VAPB: variants seen among roughly 807,000 people sequenced by gnomAD.
VAPB encodes VAMP associated protein B and C.
In VAPB, 7 loss-of-function variants were observed where a neutral mutation model predicts 25.6. That is an observed-to-expected ratio of 0.27 (90% CI 0.16 to 0.51). The LOEUF is 0.51. Among genes scored for constraint, VAPB ranks in the 20% least tolerant of loss-of-function variants. The pLI, the probability that VAPB is intolerant of heterozygous loss-of-function variation, is 0.97. For missense variants in VAPB, 266 were observed against 301.3 expected (o/e 0.88, Z 0.87); for synonymous variants, 112 against 109.2 (o/e 1.03, Z -0.16).
chr20:58,419,833 G>A (rs533441936), intron 2 of VAPB, among the ~76,000 whole-genome samples: 1 of 152,222 alleles, frequency 6.6e-6, no homozygotes, highest in Non-Finnish European at 1.5e-5. Context: ...GAGCAAGTTT[G>A]TCAGTAGATG....
intron 1 of VAPB, among the ~76,000 whole-genome samples, chr20:58,392,130 C>T (rs1987816984): frequency 1.3e-5 from 2 of 152,324 alleles, no homozygotes; most frequent in South Asian, 4.1e-4. Flanking sequence ...CCTTAGGCCA[C>T]TTCACTCCTC....
At chr20:58,410,896 A>G (rs1270151339) in intron 1 of VAPB, among the ~76,000 whole-genome samples, 1 of 152,176 alleles carries the variant, frequency 6.6e-6, no homozygotes, top group African/African-American at 2.4e-5. Flanking sequence ...AGCACTGAGC[A>G]CTATTTCAGT....
intron 1 of VAPB, among the ~76,000 whole-genome samples, chr20:58,414,397 C>G (rs1158404291): frequency 1.4e-5 from 2 of 146,280 alleles, no homozygotes; most frequent in Admixed American, 6.7e-5. Context: ...ACGGGGTGGC[C>G]GCCGGGCGGA....
At chr20:58,409,413 G>C (rs1358915596) in intron 1 of VAPB, among the ~76,000 whole-genome samples, 1 of 152,132 alleles carries the variant, frequency 6.6e-6, no homozygotes, top group African/African-American at 2.4e-5. Flanking sequence ...CTCCATTTTA[G>C]TGTATTTTTC....
chr20:58,424,273 C>T (rs1988736918), intron 2 of VAPB, among the ~76,000 whole-genome samples: 1 of 151,874 alleles, frequency 6.6e-6, no homozygotes, highest in Non-Finnish European at 1.5e-5. Flanking sequence ...TACTGTTAAC[C>T]CTGTCCTGGT....
intron 2 of VAPB, chr20:58,431,577 C>CT (rs1380170572): frequency 8.9e-4 from 131 of 147,148 alleles, no homozygotes; most frequent in African/African-American, 3.0e-3. Context: ...TTTGTTTTTT[C>CT]TTTTTTTTTA....
chr20:58,446,353 A>G lies in VAPB; in HGVS notation c.*2118A>G. 1 of 454,080 alleles carries G rather than the reference A, an allele frequency of 2.2e-6. No individual in the cohort carries two copies. The highest frequency in any genetic ancestry group is 4.4e-6 in the Non-Finnish European group (1 of 226,770). 28.1% of individuals were successfully genotyped at this position (454,080 alleles called of 1,614,324 possible). The stretch of plus-strand genomic sequence containing the variant: ...TAAGTCCTGTAGCTTCCAGGCCCTC[A>G]TGTCTTTGATAGGAGAGTGCTTAGG... On this transcript the variant is annotated 3_prime_UTR_variant, in exon 6 of 6. Transcript: ENST00000475243.
intron 1 of VAPB, among the ~76,000 whole-genome samples, chr20:58,389,976 C>T (rs1354476038): frequency 6.6e-6 from 1 of 152,238 alleles, no homozygotes; most frequent in Admixed American, 6.5e-5. Context: ...TATTCCGTCA[C>T]TGTTTCGTGG....
At chr20:58,443,596 A>G (rs915042198) in intron 5 of VAPB, among the ~76,000 whole-genome samples, 1 of 151,884 alleles carries the variant, frequency 6.6e-6, no homozygotes, top group African/African-American at 2.4e-5. Flanking sequence ...TTGACTTTGT[A>G]GATTCTTTTA....
chr20:58,396,877 TG>T (rs1987969784), intron 1 of VAPB, among the ~76,000 whole-genome samples: 1 of 152,062 alleles, frequency 6.6e-6, no homozygotes, highest in African/African-American at 2.4e-5. Flanking sequence ...ACTTAGTCAG[TG>T]GCTAGGTAAC....
rs771767190 is a variant in VAPB, at chr20:58,445,704, G to A, written c.*1469G>A. On this transcript the variant is annotated 3_prime_UTR_variant, in exon 6 of 6. Coordinates refer to ENST00000475243, the MANE Select transcript of VAPB (RefSeq NM_004738.5). ...TAACTCTGTGTGTGTGTGTGTGTGTGTGTGTGTGTGTGTGTGTATTTTTTT... is the reference window on the plus strand; with the variant it reads ...TAACTCTGTGTGTGTGTGTGTGTGTATGTGTGTGTGTGTGTGTATTTTTTT... The A allele has an allele frequency of 4.7e-5, 16 of 341,114 alleles. No individual in the cohort carries two copies. In the East Asian group the frequency reaches 5.2e-4, roughly 11 times the overall value. The allele number at this position is 341,114 out of a possible 1,614,324, so 21.1% of individuals were successfully genotyped here.
chr20:58,395,513 G>T (rs991347605), intron 1 of VAPB, among the ~76,000 whole-genome samples: 1 of 151,968 alleles, frequency 6.6e-6, no homozygotes, highest in Non-Finnish European at 1.5e-5. Context: ...TCATGATTTG[G>T]GACGAATGAG....
chr20:58,438,634 T>C (rs1433179985), intron 3 of VAPB, among the ~76,000 whole-genome samples: 1 of 152,172 alleles, frequency 6.6e-6, no homozygotes, highest in African/African-American at 2.4e-5. Context: ...ATCCAGACAT[T>C]GTTTAGAGGA....
At chr20:58,405,549 G>A (rs1259224397) in intron 1 of VAPB, among the ~76,000 whole-genome samples, 2 of 150,576 alleles carry the variant, frequency 1.3e-5, no homozygotes, top group Admixed American at 6.6e-5. Flanking sequence ...TGCAACCTCT[G>A]TCTCCCGGGT....
chr20:58,397,375 C>T (rs563266824), intron 1 of VAPB, among the ~76,000 whole-genome samples: 6 of 152,082 alleles, frequency 3.9e-5, no homozygotes, highest in East Asian at 3.9e-4. Context: ...CAAAATTAGC[C>T]GGGCATGGTA....
chr20:58,403,740 C>G (rs1439059591), intron 1 of VAPB, among the ~76,000 whole-genome samples: 1 of 152,188 alleles, frequency 6.6e-6, no homozygotes, highest in East Asian at 1.9e-4. Context: ...TATCTCCAAG[C>G]AAATCTTTTG....
intron 1 of VAPB, among the ~76,000 whole-genome samples, chr20:58,397,063 T>A (rs1016524950): frequency 6.6e-6 from 1 of 152,240 alleles, no homozygotes; most frequent in Admixed American, 6.5e-5. Flanking sequence ...GACAATTTCT[T>A]AAGAACATCA....
intron 1 of VAPB, among the ~76,000 whole-genome samples, chr20:58,396,739 GA>G (rs1987967658): frequency 6.6e-6 from 1 of 152,172 alleles, no homozygotes; most frequent in Non-Finnish European, 1.5e-5. Flanking sequence ...GGTAAAGAAG[GA>G]ACAAACATTT....
chr20:58,440,813 C>T (rs983607139), intron 4 of VAPB, 94 bp from the exon 5 acceptor site: 11 of 1,142,214 alleles, frequency 9.6e-6, no homozygotes, highest in African/African-American at 4.6e-5. Flanking sequence ...AATGCTACCA[C>T]GTTTGGTGTT....
Sources: allele counts gnomAD v4.1 joint callset (sites outside exome capture counted in the v4.1 genomes callset), GRCh38; gene constraint gnomAD v4.1.1; transcripts MANE v1.5; gene names NCBI Gene and HGNC (gene_info 2026-07-23, HGNC 2026-07-21).